APC: variants seen among roughly 807,000 people sequenced by gnomAD.
APC encodes APC regulator of Wnt signaling pathway.
Under a neutral mutation model 247.0 loss-of-function variants are expected in APC, and 72 were observed. That is an observed-to-expected ratio of 0.29 (90% CI 0.24 to 0.35). The LOEUF is 0.35. APC is among the 10% of genes least tolerant of loss of function. The probability of loss-of-function intolerance (pLI) is 1.00; values close to 1 mark genes in which losing one functional copy is unlikely to be tolerated. For missense variants in APC, 3,400 were observed against 3,360.7 expected (o/e 1.01, Z -0.29); for synonymous variants, 1,254 against 1,162.5 (o/e 1.08, Z -1.60).
At chr5:112,808,353 A>G (rs1020330223) in intron 8 of APC, among the ~76,000 whole-genome samples, 2 of 152,198 alleles carry the variant, frequency 1.3e-5, no homozygotes, top group African/African-American at 2.4e-5. Flanking sequence ...TATCTCTGAT[A>G]TCTGTTCTAA....
chr5:112,728,331 C>T (rs911129058), intron 1 of APC, among the ~76,000 whole-genome samples: 3 of 152,052 alleles, frequency 2.0e-5, no homozygotes, highest in Admixed American at 1.3e-4. Flanking sequence ...GGGGTTTCAC[C>T]ATGTTGGCCA....
intron 11 of APC, among the ~76,000 whole-genome samples, chr5:112,822,594 A>G (rs112858545): frequency 8.7e-4 from 132 of 152,290 alleles, no homozygotes; most frequent in African/African-American, 2.9e-3. Context: ...TATAACCAGC[A>G]GTGCACTCCA....
At chr5:112,744,457 G>A (rs569519949) in intron 1 of APC, among the ~76,000 whole-genome samples, 5 of 152,280 alleles carry the variant, frequency 3.3e-5, no homozygotes, top group African/African-American at 9.6e-5. Flanking sequence ...TTGTCTTCAA[G>A]ATATTTATGC....
At position 112,843,694 on chromosome 5, in the gene APC, T is replaced by A. The variant is rs761326128; in HGVS notation, c.8100T>A (p.Asn2700Lys). ...CAAACATTAAAGATTCAAAAGATAA[T>A]CAGGCAAAACAAAATGTGGGTAATG... ...ANPNIKDSKDNQAKQNVGNGS... is the reference protein window; with the variant it reads ...ANPNIKDSKDKQAKQNVGNGS... The change falls in exon 16 of 16, where the codon AAT becomes AAA. Residue 2700 changes from asparagine (N) to lysine (K), a missense_variant. By Grantham distance (94) the Asn-to-Lys change is moderately conservative. Around this residue, in one of 9 missense-constraint regions of APC, gnomAD observed 1,788 missense variants for 1,649.5 expected, o/e 1.08. Coordinates refer to ENST00000257430, the MANE Select transcript of APC (RefSeq NM_000038.6). This position sits in a 1 kb window ranked among gnomAD's most constrained non-coding sequence, Gnocchi z 4.8. The A allele has an allele frequency of 6.2e-7, 1 of 1,614,018 alleles. No homozygotes were observed. Among genetic ancestry groups the A allele is most frequent in the Non-Finnish European group, 8.5e-7 (1 of 1,179,944 alleles).
In APC at chr5:112,839,566, A is replaced by G. The variant is rs946159920; in HGVS notation, c.3972A>G (p.Pro1324=). 6.2e-7 allele frequency: 1 copy of G among 1,614,244 alleles called. No individual in the cohort carries two copies. Among genetic ancestry groups the G allele is most frequent in the Non-Finnish European group, 8.5e-7 (1 of 1,180,032 alleles). The change falls in exon 16 of 16, where the codon CCA becomes CCG. Residue 1324 remains proline (P), a synonymous_variant. Transcript: ENST00000257430. The surrounding 1 kb of genome is among the most constrained non-coding windows in gnomAD (Gnocchi z 5.0). ...RSAEDPVSEV[P]AVSQHPRTKS... ...CTGAAGATCCTGTGAGCGAAGTTCC[A>G]GCAGTGTCACAGCACCCTAGAACCA... is the stretch of plus-strand genomic sequence containing the variant.
intron 7 of APC, among the ~76,000 whole-genome samples, chr5:112,794,519 A>G (rs1180417081): frequency 6.6e-6 from 1 of 152,204 alleles, no homozygotes; most frequent in East Asian, 1.9e-4. Flanking sequence ...TAAAAGACAA[A>G]GTCAGTCACA....
chr5:112,741,161 G>A (rs750045043), intron 1 of APC, among the ~76,000 whole-genome samples: 19 of 152,192 alleles, frequency 1.2e-4, no homozygotes, highest in Middle Eastern at 3.4e-3. Flanking sequence ...AATAAGACAC[G>A]TAAACTAATC....
chr5:112,842,741 G>C lies in APC; in HGVS notation c.7147G>C (p.Gly2383Arg), dbSNP rs1008025963. Residue 2383 changes from glycine to arginine, a missense_variant, in exon 16 of 16, where the codon GGT becomes CGT. Gly to Arg is a moderately radical substitution (Grantham distance 125). Around this residue, in one of 9 missense-constraint regions of APC, gnomAD observed 1,788 missense variants for 1,649.5 expected, o/e 1.08. Transcript: ENST00000257430. ...CCAACAGAACCTTACCAAACAAACAGGTTTATCCAAGAATGCCAGTAGTAT... is the reference window on the plus strand; with the variant it reads ...CCAACAGAACCTTACCAAACAAACACGTTTATCCAAGAATGCCAGTAGTAT... ...MSQQNLTKQT[G>R]LSKNASSIPR... 6.2e-6 allele frequency: 10 copies of C among 1,613,794 alleles called. No individual in the cohort carries two copies. In the African/African-American group the frequency reaches 1.3e-4, roughly 22 times the overall value.
chr5:112,712,557 C>A (rs1188072261), intron 1 of APC, among the ~76,000 whole-genome samples: 1 of 148,070 alleles, frequency 6.8e-6, no homozygotes, highest in Non-Finnish European at 1.5e-5. Flanking sequence ...CCACACCCAG[C>A]CCTTTTTTTT....
At chr5:112,814,291 C>A (rs1367988933) in intron 8 of APC, among the ~76,000 whole-genome samples, 1 of 152,158 alleles carries the variant, frequency 6.6e-6, no homozygotes, top group Non-Finnish European at 1.5e-5. Context: ...CACCTCCTGT[C>A]CAGAGTTGCA....
rs376863032 is a variant in APC at position 112,828,025 on chromosome 5, C to T, written c.1626+19C>T. 2.5e-6 allele frequency: 4 copies of T among 1,605,314 alleles called. No individual in the cohort carries two copies. The highest frequency in any genetic ancestry group is 3.4e-6 in the Non-Finnish European group (4 of 1,173,834). The stretch of plus-strand genomic sequence containing the variant: ...ACAGCAGGTACTATTTAGAATTTCA[C>T]CTGTTTTTCTTTTTTCTCTTTTTCT... On this transcript the variant is annotated intron_variant, in intron 13 of 15. Coordinates refer to ENST00000257430, the MANE Select transcript of APC (RefSeq NM_000038.6).
intron 1 of APC, among the ~76,000 whole-genome samples, chr5:112,716,007 TC>T (rs1050410776): frequency 4.6e-5 from 7 of 152,192 alleles, no homozygotes; most frequent in African/African-American, 1.7e-4. Context: ...TTGTACCTTT[TC>T]CTTTTCCTTA....
At chr5:112,778,262 T>A (rs80044629) in intron 5 of APC, 4,211 of 154,456 alleles carry the variant, frequency 0.027, 203 homozygotes, top group African/African-American at 0.097. Context: ...TGCAGTGTTC[T>A]GTAAAAAAAA....
rs1763767675 is a variant in APC at position 112,827,147 on chromosome 5, G to C, written c.1448G>C (p.Cys483Ser). Residue 483 changes from cysteine to serine, a missense_variant, in exon 12 of 16, where the codon TGT (cysteine) becomes TCT (serine). By Grantham distance (112) the Cys-to-Ser change is moderately radical. Around this residue, in one of 9 missense-constraint regions of APC, gnomAD observed 199 missense variants for 212.5 expected, o/e 0.94. Transcript: ENST00000257430. ...QAIAELLQVDCEMYGLTNDHY... is the reference protein window; with the variant it reads ...QAIAELLQVDSEMYGLTNDHY... Reference sequence around the variant, plus strand: ...ATTGCAGAATTATTGCAAGTGGACTGTGAAATGTATGGGCTTACTAATGAC... The same window carrying C: ...ATTGCAGAATTATTGCAAGTGGACTCTGAAATGTATGGGCTTACTAATGAC... The C allele has an allele frequency of 3.1e-6, 5 of 1,613,712 alleles. No homozygotes were observed. Among genetic ancestry groups the C allele is most frequent in the Non-Finnish European group, 4.2e-6 (5 of 1,179,798 alleles).
At chr5:112,784,205 C>G (rs1758694918) in intron 6 of APC, among the ~76,000 whole-genome samples, 1 of 152,090 alleles carries the variant, frequency 6.6e-6, no homozygotes, top group Non-Finnish European at 1.5e-5. Flanking sequence ...GTAGCTGGGA[C>G]TATAGTTGTG....
At position 112,804,873 on chromosome 5, in the gene APC, T is replaced by G. The variant is rs79822557; in HGVS notation, c.834+3490T>G. Among the ~76,000 whole-genome samples the G allele has an allele frequency of 3.7e-4, 56 of 152,176 alleles. No individual in the cohort carries two copies. In the East Asian group the frequency reaches 0.01, roughly 28 times the overall value. On this transcript the variant is annotated intron_variant, in intron 8 of 15. Transcript: ENST00000257430. ...AGCCGTGTGTGGTAGTCCCAGCTAC[T>G]TGGGAGGCCGTGTGGGAGGATCACT...
chr5:112,766,374 T>A lies in APC; in HGVS notation c.184T>A (p.Ser62Thr). Reference protein sequence around the residue: ...QGSIEDEAMASSGQIDLLERL... With the variant: ...QGSIEDEAMATSGQIDLLERL... Reference sequence around the variant, plus strand: ...AAGTATTGAAGATGAAGCTATGGCTTCTTCTGGACAGATTGATTTATTAGA... The same window carrying A: ...AAGTATTGAAGATGAAGCTATGGCTACTTCTGGACAGATTGATTTATTAGA... The change falls in exon 3 of 16, where the codon TCT (serine) becomes ACT (threonine). Residue 62 changes from serine to threonine, a missense_variant. This residue lies in a region of APC where 372 missense variants were observed against 367.6 expected (regional missense o/e 1.01). Transcript: ENST00000257430. 6.2e-7 allele frequency: 1 copy of A among 1,612,414 alleles called. No individual in the cohort carries two copies. The highest frequency in any genetic ancestry group is 8.5e-7 in the Non-Finnish European group (1 of 1,178,726).
rs1765792439 is a variant in APC at position 112,840,471 on chromosome 5, C to T, written c.4877C>T (p.Pro1626Leu). The change falls in exon 16 of 16, where the codon CCC becomes CTC. Residue 1626 changes from proline to leucine, a missense_variant. Physicochemically the swap from Pro to Leu is moderately conservative, Grantham distance 98. Around this residue, in one of 9 missense-constraint regions of APC, gnomAD observed 1,788 missense variants for 1,649.5 expected, o/e 1.08. Transcript: ENST00000257430. The surrounding 1 kb of genome is among the most constrained non-coding windows in gnomAD (Gnocchi z 4.1). ...KLLPSQNRLQ[P>L]QKHVSFTPGD... ...CTACCATCACAAAACAGGTTGCAAC[C>T]CCAAAAGCATGTTAGTTTTACACCG... is the stretch of plus-strand genomic sequence containing the variant. The T allele has an allele frequency of 6.2e-7, 1 of 1,614,118 alleles. No individual in the cohort carries two copies. Among genetic ancestry groups the T allele is most frequent in the Non-Finnish European group, 8.5e-7 (1 of 1,179,994 alleles).
At chr5:112,791,680 T>C (rs558165226) in intron 6 of APC, among the ~76,000 whole-genome samples, 1 of 152,328 alleles carries the variant, frequency 6.6e-6, no homozygotes, top group East Asian at 1.9e-4. Context: ...TGATATTTAT[T>C]AAAACAAATC....
Sources: allele counts gnomAD v4.1 joint callset (sites outside exome capture counted in the v4.1 genomes callset), GRCh38; gene constraint gnomAD v4.1.1; regional missense constraint gnomAD v4.1.1; non-coding constraint Gnocchi (gnomAD v3.1); transcripts MANE v1.5; gene names NCBI Gene and HGNC (gene_info 2026-07-23, HGNC 2026-07-21).